The following TNR variants were observed in gnomAD, a reference collection of about 807,000 sequenced individuals.
The protein encoded by TNR is tenascin-R.
In TNR, 45 loss-of-function variants were observed where a neutral mutation model predicts 150.4. The observed-to-expected ratio is 0.30, with a 90% CI of 0.24 to 0.38. The LOEUF (loss-of-function observed/expected upper bound fraction) is 0.38. Among genes scored for constraint, TNR ranks in the 10% least tolerant of loss-of-function variants. The pLI, the probability that TNR is intolerant of heterozygous loss-of-function variation, is 1.00. For synonymous variants in TNR, 687 were observed against 678.4 expected (o/e 1.01, Z -0.20); for missense variants, 1,544 against 1,759.1 (o/e 0.88, Z 2.19).
intron 2 of TNR, among the ~76,000 whole-genome samples, chr1:175,483,754 G>A (rs968531236): frequency 6.6e-6 from 1 of 152,190 alleles, no homozygotes; most frequent in African/African-American, 2.4e-5. Flanking sequence ...GATGGTGGGG[G>A]CTGGGAACTA....
At chr1:175,458,114 G>A (rs1269980150) in intron 2 of TNR, among the ~76,000 whole-genome samples, 2 of 152,236 alleles carry the variant, frequency 1.3e-5, no homozygotes, top group Non-Finnish European at 1.5e-5. Context: ...CACAGAGCCT[G>A]GTGCAGAGCT....
chr1:175,384,353 A>G (rs59284226), intron 8 of TNR, among the ~76,000 whole-genome samples: 30,218 of 152,158 alleles, frequency 0.2, 3,098 homozygotes, highest in Middle Eastern at 0.29. Flanking sequence ...AATGGGCAGA[A>G]TTTAGTTCAT....
chr1:175,419,882 A>C, intron 2 of TNR, among the ~76,000 whole-genome samples: 1 of 151,842 alleles, frequency 6.6e-6, no homozygotes, highest in Non-Finnish European at 1.5e-5. Flanking sequence ...CTCTTGGCAC[A>C]CACACTCCTT....
At chr1:175,547,556 AGATAGAAG>A (rs1660737557) in intron 1 of TNR, among the ~76,000 whole-genome samples, 2 of 144,244 alleles carry the variant, frequency 1.4e-5, no homozygotes, top group African/African-American at 2.6e-5. Flanking sequence ...GGAGAAAGAA[AGATAGAAG>A]GAAAGAAAGA....
intron 1 of TNR, among the ~76,000 whole-genome samples, chr1:175,734,042 C>CA (rs1283626102): frequency 6.6e-6 from 1 of 152,080 alleles, no homozygotes; most frequent in African/African-American, 2.4e-5. Context: ...TTGCTGGTGA[C>CA]AGTATGAGAA....
chr1:175,487,655 G>A (rs547216547), intron 2 of TNR, among the ~76,000 whole-genome samples: 5 of 152,154 alleles, frequency 3.3e-5, no homozygotes, highest in South Asian at 2.1e-4. Context: ...TGAGCAAGGC[G>A]CCTCCTTCCT....
At chr1:175,562,815 T>A (rs766781242) in intron 1 of TNR, among the ~76,000 whole-genome samples, 1 of 152,232 alleles carries the variant, frequency 6.6e-6, no homozygotes, top group African/African-American at 2.4e-5. Context: ...CATTTTGCTT[T>A]TTCTCTGCCA....
Position 175,363,727 on chromosome 1 carries a change from T to C in TNR, c.2688A>G (p.Val896=), listed in dbSNP as rs763524738. ...PPVASFDYYR[V]SYRPTQVGRL... Reference sequence around the variant, plus strand: ...TGTTACCTTGGGTGGGTCGATATGATACTCGGTAGTAATCGAAAGATGCAA... The same window carrying C: ...TGTTACCTTGGGTGGGTCGATATGACACTCGGTAGTAATCGAAAGATGCAA... Residue 896 remains valine (V), a synonymous_variant, in exon 13 of 23, where the codon GTA becomes GTG. Coordinates refer to ENST00000367674, the MANE Select transcript of TNR (RefSeq NM_003285.3). 78 of 1,613,680 alleles carry C rather than the reference T, an allele frequency of 4.8e-5. No homozygotes were observed. Among genetic ancestry groups the C allele is most frequent in the Non-Finnish European group, 6.4e-5 (76 of 1,179,832 alleles).
At chr1:175,592,174 T>C (rs1000772511) in intron 1 of TNR, among the ~76,000 whole-genome samples, 2 of 152,220 alleles carry the variant, frequency 1.3e-5, no homozygotes, top group Admixed American at 1.3e-4. Flanking sequence ...TATAGAGTTA[T>C]GGTAAGACAT....
intron 21 of TNR, 26 bp downstream of exon 21, chr1:175,330,048 G>A (rs936098210): frequency 6.6e-7 from 1 of 1,523,980 alleles, no homozygotes; most frequent in African/African-American, 1.4e-5. Flanking sequence ...CACTGTCCTT[G>A]GGGTCTGCTC....
intron 2 of TNR, among the ~76,000 whole-genome samples, chr1:175,527,704 A>G (rs1659899708): frequency 6.6e-6 from 1 of 152,146 alleles, no homozygotes; most frequent in Non-Finnish European, 1.5e-5. Flanking sequence ...CATTTTTTAG[A>G]GGTTATTATT....
chr1:175,575,010 T>C (rs768402879), intron 1 of TNR, among the ~76,000 whole-genome samples: 1 of 152,352 alleles, frequency 6.6e-6, no homozygotes, highest in Non-Finnish European at 1.5e-5. Context: ...GAGAAGTCAT[T>C]GGTGCTATTG....
chr1:175,617,983 A>G (rs1381965232), intron 1 of TNR, among the ~76,000 whole-genome samples: 1 of 152,230 alleles, frequency 6.6e-6, no homozygotes, highest in African/African-American at 2.4e-5. Context: ...CTGGACTTCA[A>G]ACTTGACTTC....
intron 1 of TNR, among the ~76,000 whole-genome samples, chr1:175,735,044 G>A (rs1160851064): frequency 6.6e-6 from 1 of 152,192 alleles, no homozygotes; most frequent in East Asian, 1.9e-4. Flanking sequence ...TTTACAGCTT[G>A]CCTTATAAGT....
intron 7 of TNR, among the ~76,000 whole-genome samples, chr1:175,386,528 C>T (rs1435052578): frequency 6.6e-6 from 1 of 152,114 alleles, no homozygotes; most frequent in Non-Finnish European, 1.5e-5. Context: ...GCTCTTTTAC[C>T]AGGCTGTAGT....
chr1:175,384,011 T>C (rs142659863), intron 8 of TNR, among the ~76,000 whole-genome samples: 11 of 152,344 alleles, frequency 7.2e-5, no homozygotes, highest in African/African-American at 2.4e-4. Flanking sequence ...AGAATGTAAT[T>C]GTCTTGATCA....
Position 175,363,763 on chromosome 1 carries a change from C to T in TNR, c.2652G>A (p.Trp884Ter), listed in dbSNP as rs758352909. 1 of 1,613,926 alleles carries T rather than the reference C, an allele frequency of 6.2e-7. No individual in the cohort carries two copies. The highest frequency in any genetic ancestry group is 1.1e-5 in the South Asian group (1 of 91,044). Reference sequence around the variant, plus strand: ...AATCGAAAGATGCAACAGGAGGGCTCCAGGAGACCATCACTGAGTCCTTGG... The same window carrying T: ...AATCGAAAGATGCAACAGGAGGGCTTCAGGAGACCATCACTGAGTCCTTGG... ...NVTKDSVMVS[W>*]SPPVASFDYY... Residue 884 changes from tryptophan (W) to a stop codon, truncating the protein, a stop_gained, in exon 13 of 23, where the codon TGG (tryptophan) becomes TGA (stop). Coordinates refer to ENST00000367674, the MANE Select transcript of TNR (RefSeq NM_003285.3). LOFTEE classifies it high-confidence loss of function.
chr1:175,650,003 A>T (rs543224857), intron 1 of TNR, among the ~76,000 whole-genome samples: 1 of 152,346 alleles, frequency 6.6e-6, no homozygotes, highest in Admixed American at 6.5e-5. Context: ...TTAATCTTAA[A>T]AATAAATAGA....
chr1:175,641,709 C>G (rs951173068), intron 1 of TNR, among the ~76,000 whole-genome samples: 1 of 152,070 alleles, frequency 6.6e-6, no homozygotes, highest in African/African-American at 2.4e-5. Flanking sequence ...GCCCTTTGTT[C>G]ATAAAGTCAA....
Sources: gnomAD v4.1 joint callset for allele counts (sites outside exome capture counted in the v4.1 genomes callset) on GRCh38, gnomAD v4.1.1 for gene constraint, MANE v1.5 for transcripts, NCBI Gene and HGNC (gene_info 2026-07-23, HGNC 2026-07-21) for gene names.